RHPN1: variants seen among roughly 807,000 people sequenced by gnomAD.
The protein encoded by RHPN1 is rhophilin-1.
A neutral mutation model predicts 74.7 loss-of-function variants in RHPN1; 77 were observed. That is an observed-to-expected ratio of 1.03 (90% CI 0.86 to 1.25). The LOEUF (loss-of-function observed/expected upper bound fraction) is 1.25, where lower values mean the gene tolerates loss of function less well. Ranked by LOEUF, RHPN1 falls within the 50% of genes most tolerant of loss-of-function variation. The pLI is 0.00. For missense variants in RHPN1, 987 were observed against 932.2 expected (o/e 1.06, Z -0.77); for synonymous variants, 444 against 414.5 (o/e 1.07, Z -0.87).
chr8:143,366,325 T>A (rs867151404), upstream of RHPN1, among the ~76,000 whole-genome samples: 75 of 152,184 alleles, frequency 4.9e-4, no homozygotes, highest in Middle Eastern at 0.017. Context: ...TCCCCCTAAA[T>A]TTTTAAACTT....
Position 143,382,257 on chromosome 8 carries a change from C to G in RHPN1, c.1798-179C>G, listed in dbSNP as rs142682605. ...CAGAGGTTTTCTCTACCCAGCATGG[C>G]TGACCCAGGGTTGGGTGAAACCCAT... is the stretch of plus-strand genomic sequence containing the variant. On this transcript the variant is annotated intron_variant, in intron 14 of 14. Transcript: ENST00000289013. Among the ~76,000 whole-genome samples, 1,159 of 152,348 alleles carry G rather than the reference C, an allele frequency of 7.6e-3. 49 individuals are homozygous for G. Among genetic ancestry groups the G allele is most frequent in the Admixed American group, 0.067 (1,032 of 15,308 alleles).
At position 143,379,084 on chromosome 8, in the gene RHPN1, G is replaced by A. The variant is rs1242241302; in HGVS notation, c.751+6G>A. On this transcript the variant is annotated splice_donor_region_variant and intron_variant, in intron 7 of 14. Coordinates refer to ENST00000289013, the MANE Select transcript of RHPN1 (RefSeq NM_052924.3). ...GGCCTTCCAGAGGGCCGCTGGTGAG[G>A]GCGGCCCGGGCCGCGGTGGGGCACG... The A allele has an allele frequency of 1.3e-5, 19 of 1,489,346 alleles. No individual in the cohort carries two copies. Among genetic ancestry groups the A allele is most frequent in the Non-Finnish European group, 1.7e-5 (19 of 1,122,142 alleles). 92.3% of individuals were successfully genotyped at this position (1,489,346 alleles called of 1,614,324 possible).
At chr8:143,373,721 G>A (rs925735388) in intron 1 of RHPN1, among the ~76,000 whole-genome samples, 1 of 150,452 alleles carries the variant, frequency 6.6e-6, no homozygotes. Context: ...TTTGGGGGAT[G>A]GCGTGGGTTC....
In RHPN1 at chr8:143,368,959, G is replaced by A; in HGVS notation, c.-29G>A. 5 of 1,459,708 alleles carry A rather than the reference G, an allele frequency of 3.4e-6. No homozygotes were observed. The highest frequency in any genetic ancestry group is 4.5e-6 in the Non-Finnish European group (5 of 1,112,702). The allele number at this position is 1,459,708 out of a possible 1,614,324, so 90.4% of individuals were successfully genotyped here. ...CGCGAGCGGCGGGCTGGCTGACCCC[G>A]AGGGACCCCCAGCGCAGCGGGTGCG... is the stretch of plus-strand genomic sequence containing the variant. On this transcript the variant is annotated 5_prime_UTR_variant, in exon 1 of 15. Coordinates refer to ENST00000289013, the MANE Select transcript of RHPN1 (RefSeq NM_052924.3).
chr8:143,376,412 C>CT (rs1818220735), intron 2 of RHPN1, 113 bp from the exon 3 acceptor site: 1 of 1,480,052 alleles, frequency 6.8e-7, no homozygotes, highest in Non-Finnish European at 9.1e-7. Flanking sequence ...GCGACGTCCT[C>CT]TGCAGGGTGG....
upstream of RHPN1, among the ~76,000 whole-genome samples, chr8:143,364,926 T>C (rs984375801): frequency 3.9e-5 from 6 of 152,326 alleles, no homozygotes; most frequent in African/African-American, 1.2e-4. The surrounding 1 kb of genome is among the most constrained non-coding windows in gnomAD (Gnocchi z 4.5). Context: ...TGGTACCTGT[T>C]ACTCCATTCA....
At chr8:143,377,510 G>A in intron 4 of RHPN1, 55 bp downstream of exon 4, 1 of 1,272,754 alleles carries the variant, frequency 7.9e-7, no homozygotes, top group African/African-American at 1.5e-5. Context: ...GGACCAAGGG[G>A]GTCTTGGAGG....
In RHPN1 at chr8:143,382,764, GCTGCCT is replaced by G; in HGVS notation, c.*115_*120del. ...ATGCCTGTCCCGCCTCATGCTGGAG[GCTGCCT>G]CGGGCACCTGCCTGCCCATTAAAGA... On this transcript the variant is annotated 3_prime_UTR_variant, in exon 15 of 15. Transcript: ENST00000289013. The G allele has an allele frequency of 1.1e-6, 1 of 894,448 alleles. No homozygotes were observed. The highest frequency in any genetic ancestry group is 1.7e-6 in the Non-Finnish European group (1 of 594,018). 55.4% of individuals were successfully genotyped at this position (894,448 alleles called of 1,614,324 possible).
intron 1 of RHPN1, 82 bp from the exon 2 acceptor site, chr8:143,375,471 C>A: frequency 1.1e-6 from 1 of 899,928 alleles, no homozygotes; most frequent in Non-Finnish European, 1.7e-6. Flanking sequence ...GGGCAGGATG[C>A]ACTCCTCTCA....
At position 143,379,986 on chromosome 8, in the gene RHPN1, G is replaced by T. The variant is rs543746385; in HGVS notation, c.1102+1G>T. ...GCCATGGCCCTCTGCGACGGCTCCC[G>T]TGAGTGCCCACCACACTTGCCCATG... On this transcript the variant is annotated splice_donor_variant, in intron 9 of 14. Transcript: ENST00000289013. LOFTEE classifies it high-confidence loss of function. The T allele has an allele frequency of 6.4e-7, 1 of 1,559,216 alleles. No individual in the cohort carries two copies.
Position 143,379,067 on chromosome 8 carries a change from AGAGGGCCGCTGGT to A in RHPN1, c.747_751+8del. ...GCCCGCCGCGCTATGGAGGCCTTCC[AGAGGGCCGCTGGT>A]GAGGGCGGCCCGGGCCGCGGTGGGG... On this transcript the variant is annotated splice_donor_variant and coding_sequence_variant, in exon 7 of 15. Coordinates refer to ENST00000289013, the MANE Select transcript of RHPN1 (RefSeq NM_052924.3). LOFTEE classifies it high-confidence loss of function. The A allele has an allele frequency of 2.6e-6, 4 of 1,524,096 alleles. No homozygotes were observed. Among genetic ancestry groups the A allele is most frequent in the Non-Finnish European group, 3.5e-6 (4 of 1,136,046 alleles). 94.4% of individuals were successfully genotyped at this position (1,524,096 alleles called of 1,614,324 possible). A position where few individuals can be genotyped will look rare whatever the true frequency, so the allele number is the denominator to read the frequency against.
At position 143,382,963 on chromosome 8, in the gene RHPN1, C is replaced by G. The variant is rs1818843278; in HGVS notation, c.*312C>G. The G allele has an allele frequency of 5.2e-6, 2 of 384,964 alleles. No homozygotes were observed. The highest frequency in any genetic ancestry group is 6.6e-5 in the South Asian group (2 of 30,334). The allele number at this position is 384,964 out of a possible 1,614,324, so 23.8% of individuals were successfully genotyped here. A position where few individuals can be genotyped will look rare whatever the true frequency, so the allele number is the denominator to read the frequency against. ...GCCATCCCATCTGTACCCCCGGGCT[C>G]TGTCCACCCTGCTGCTGCCCTGGGC... is the stretch of plus-strand genomic sequence containing the variant. On this transcript the variant is annotated 3_prime_UTR_variant, in exon 15 of 15. Coordinates refer to ENST00000289013, the MANE Select transcript of RHPN1 (RefSeq NM_052924.3).
Position 143,378,684 on chromosome 8 carries a change from C to T in RHPN1, c.460-12C>T. Reference sequence around the variant, plus strand: ...GCCAGGGCGGTGGGGCCCAGTGGCTCCTGCCCTGCAGGCCATGCGGACCCC... The same window carrying T: ...GCCAGGGCGGTGGGGCCCAGTGGCTTCTGCCCTGCAGGCCATGCGGACCCC... On this transcript the variant is annotated splice_polypyrimidine_tract_variant and intron_variant, in intron 5 of 14. Transcript: ENST00000289013. 1.3e-6 allele frequency: 2 copies of T among 1,592,186 alleles called. No individual in the cohort carries two copies. Among genetic ancestry groups the T allele is most frequent in the Non-Finnish European group, 1.7e-6 (2 of 1,171,126 alleles).
intron 4 of RHPN1, among the ~76,000 whole-genome samples, chr8:143,377,874 A>G (rs1264088182): frequency 6.6e-6 from 1 of 152,216 alleles, no homozygotes; most frequent in African/African-American, 2.4e-5. Flanking sequence ...ACTGCCTGGC[A>G]GGGCCCCACG....
At position 143,379,354 on chromosome 8, in the gene RHPN1, C is replaced by T. The variant is rs759609324; in HGVS notation, c.791C>T (p.Pro264Leu). The T allele has an allele frequency of 6.0e-5, 96 of 1,602,784 alleles. No homozygotes were observed. The South Asian group carries it at 8.8e-4, about 15-fold the overall frequency. Residue 264 changes from proline (P) to leucine (L), a missense_variant, in exon 8 of 15, where the codon CCG (proline) becomes CTG (leucine). Coordinates refer to ENST00000289013, the MANE Select transcript of RHPN1 (RefSeq NM_052924.3). ...CTGAGGGAGAACTTCTCCCATGCGC[C>T]GAGCCCAGACATGAGCGCTGCGTCC... ...SLLRENFSHA[P>L]SPDMSAASLC...
chr8:143,375,560 A>G lies in RHPN1; in HGVS notation c.68A>G (p.Asp23Gly). ...CCTGTGGCCTCCCTGCAGGGCTGTG[A>G]CTCCCTGACGCAGATCCAGTGCGGC... ...GEESPRLQGC[D>G]SLTQIQCGQL... Residue 23 changes from aspartate (D) to glycine (G), a missense_variant, in exon 2 of 15, where the codon GAC (aspartate) becomes GGC (glycine). Transcript: ENST00000289013. 6.3e-7 allele frequency: 1 copy of G among 1,590,134 alleles called. No homozygotes were observed.
At chr8:143,378,392 C>T (rs771211577) in intron 5 of RHPN1, 46 bp downstream of exon 5, 2 of 1,362,522 alleles carry the variant, frequency 1.5e-6, no homozygotes, top group South Asian at 1.2e-5. Flanking sequence ...CCCTGGGAGA[C>T]ACATGCGGAG....
intron 1 of RHPN1, among the ~76,000 whole-genome samples, chr8:143,374,720 T>C (rs948066295): frequency 5.3e-5 from 8 of 152,242 alleles, no homozygotes; most frequent in South Asian, 2.1e-4. Flanking sequence ...GTGAGGATCA[T>C]GTGGGCAGGA....
At chr8:143,381,768 G>T in intron 13 of RHPN1, 39 bp from the exon 14 acceptor site, 1 of 1,606,266 alleles carries the variant, frequency 6.2e-7, no homozygotes, top group African/African-American at 1.3e-5. Context: ...GCCAGCCAGG[G>T]TGTCCTGTCC....
Sources: allele counts gnomAD v4.1 joint callset (sites outside exome capture counted in the v4.1 genomes callset), GRCh38; gene constraint gnomAD v4.1.1; non-coding constraint Gnocchi (gnomAD v3.1); transcripts MANE v1.5; gene names NCBI Gene and HGNC (gene_info 2026-07-23, HGNC 2026-07-21).